Variants in IMPG1 observed in about 807,000 individuals in gnomAD.
The protein encoded by IMPG1 is interphotoreceptor matrix proteoglycan of 150 kDa.
Under a neutral mutation model 92.0 loss-of-function variants are expected in IMPG1, and 85 were observed. That is an observed-to-expected ratio of 0.92 (90% CI 0.78 to 1.11). The LOEUF (loss-of-function observed/expected upper bound fraction) is 1.11, where lower values mean the gene tolerates loss of function less well. Among genes scored for constraint, IMPG1 ranks in the 50% least tolerant of loss-of-function variants. The pLI, the probability that IMPG1 is intolerant of heterozygous loss-of-function variation, is 0.00. For synonymous variants in IMPG1, 367 were observed against 334.1 expected, an observed-to-expected ratio of 1.10 and a Z score of -1.08; for missense variants, 1,022 against 956.0, an observed-to-expected ratio of 1.07 and a Z score of -0.91.
At chr6:76,065,708 A>T (rs1019484488) in intron 1 of IMPG1, among the ~76,000 whole-genome samples, 1 of 152,160 alleles carries the variant, frequency 6.6e-6, no homozygotes, top group African/African-American at 2.4e-5. Context: ...TTAGACATCC[A>T]GTTATAAGAG....
At position 75,921,119 on chromosome 6, in the gene IMPG1, A is replaced by G. The variant is rs957572289; in HGVS notation, c.*970T>C. ...AAGGCTCATTAAAAAACCTATGAGT[A>G]TATCACTTTTACTTTATTGAAATTA... On this transcript the variant is annotated 3_prime_UTR_variant, in exon 17 of 17. Transcript: ENST00000369950. 2.0e-5 allele frequency: 3 copies of G among 152,226 alleles called. No individual in the cohort carries two copies. Among genetic ancestry groups the G allele is most frequent in the Admixed American group, 6.5e-5 (1 of 15,280 alleles). The allele number at this position is 152,226 out of a possible 1,614,324, so 9.4% of individuals were successfully genotyped here. A position where few individuals can be genotyped will look rare whatever the true frequency, so the allele number is the denominator to read the frequency against.
At chr6:75,926,529 A>G (rs1163242969) in intron 15 of IMPG1, among the ~76,000 whole-genome samples, 1 of 152,202 alleles carries the variant, frequency 6.6e-6, no homozygotes, top group Admixed American at 6.5e-5. Flanking sequence ...ATTTACTGAA[A>G]CTGTCCCCTA....
intron 10 of IMPG1, among the ~76,000 whole-genome samples, chr6:76,004,963 G>A (rs1217273853): frequency 6.6e-6 from 1 of 152,152 alleles, no homozygotes; most frequent in African/African-American, 2.4e-5. Context: ...GACTACATGA[G>A]AGAATATGTT....
chr6:75,982,048 T>C (rs1015999736), intron 12 of IMPG1, among the ~76,000 whole-genome samples: 27 of 152,178 alleles, frequency 1.8e-4, no homozygotes, highest in African/African-American at 6.5e-4. Context: ...CAGAAGATTT[T>C]GAGAAATTTT....
At chr6:75,982,586 G>GATATATATATGTGTGTGT (rs1218789411) in intron 12 of IMPG1, among the ~76,000 whole-genome samples, 4 of 145,796 alleles carry the variant, frequency 2.7e-5, no homozygotes, top group Non-Finnish European at 3.0e-5. Context: ...GATATATATA[G>GATATATATATGTGTGTGT]ATATATATAT....
At chr6:76,032,197 C>T (rs556253270) in intron 4 of IMPG1, among the ~76,000 whole-genome samples, 144 of 152,190 alleles carry the variant, frequency 9.5e-4, no homozygotes, top group African/African-American at 3.4e-3. Flanking sequence ...ATTTCCTTTT[C>T]TTTCTGGCTT....
At chr6:76,040,541 TC>T (rs1357439967) in intron 2 of IMPG1, among the ~76,000 whole-genome samples, 12 of 152,198 alleles carry the variant, frequency 7.9e-5, no homozygotes. Flanking sequence ...GCATTCTGTG[TC>T]CACCAACAAG....
intron 2 of IMPG1, 101 bp from the exon 3 acceptor site, chr6:76,034,888 G>A (rs941831210): frequency 3.4e-5 from 33 of 962,318 alleles, no homozygotes; most frequent in Admixed American, 4.7e-5. Context: ...GGCTTATGTC[G>A]ACACACTAAT....
chr6:75,979,922 T>C (rs1006922011), intron 12 of IMPG1, among the ~76,000 whole-genome samples: 3 of 152,202 alleles, frequency 2.0e-5, no homozygotes, highest in Non-Finnish European at 2.9e-5. Context: ...AATGGAGAAA[T>C]TGAAAGACTG....
intron 1 of IMPG1, among the ~76,000 whole-genome samples, chr6:76,062,097 G>A (rs1396011741): frequency 1.3e-5 from 2 of 152,004 alleles, no homozygotes; most frequent in South Asian, 2.1e-4. Context: ...GAATCAAATT[G>A]GTAAAAAGTC....
chr6:75,929,268 T>C (rs1215287972), intron 15 of IMPG1, among the ~76,000 whole-genome samples: 1 of 152,198 alleles, frequency 6.6e-6, no homozygotes, highest in East Asian at 1.9e-4. Context: ...CTGAGTATCA[T>C]CAATCTCCTT....
At chr6:75,973,763 G>C (rs1782459991) in intron 12 of IMPG1, among the ~76,000 whole-genome samples, 1 of 152,120 alleles carries the variant, frequency 6.6e-6, no homozygotes, top group Non-Finnish European at 1.5e-5. Context: ...AGGGAACTTT[G>C]AGTCTTGGAG....
chr6:75,935,121 A>G (rs1781722905), intron 14 of IMPG1: 1 of 440,620 alleles, frequency 2.3e-6, no homozygotes, highest in East Asian at 7.2e-5. Context: ...AAAAGAAGCA[A>G]GAGTAGACTT....
At chr6:76,048,250 T>C (rs2127595638) in intron 1 of IMPG1, among the ~76,000 whole-genome samples, 1 of 152,328 alleles carries the variant, frequency 6.6e-6, no homozygotes, top group Non-Finnish European at 1.5e-5. Context: ...AAATTTCTGG[T>C]CCTTAAGTAA....
chr6:75,977,306 C>T (rs1004512628), intron 12 of IMPG1, among the ~76,000 whole-genome samples: 2 of 151,772 alleles, frequency 1.3e-5, no homozygotes, highest in Non-Finnish European at 2.9e-5. Context: ...AGACTTAAGC[C>T]GCCAGGCGCG....
At chr6:75,966,154 A>G (rs1046560228) in intron 12 of IMPG1, among the ~76,000 whole-genome samples, 1 of 152,146 alleles carries the variant, frequency 6.6e-6, no homozygotes, top group African/African-American at 2.4e-5. Context: ...TTTGTTTTGT[A>G]TATAATATCA....
At chr6:76,006,872 T>A (rs1562367163) in intron 9 of IMPG1, among the ~76,000 whole-genome samples, 1 of 152,042 alleles carries the variant, frequency 6.6e-6, no homozygotes, top group Non-Finnish European at 1.5e-5. Flanking sequence ...ATGTCATAAA[T>A]CTAGACAGAG....
intron 7 of IMPG1, among the ~76,000 whole-genome samples, chr6:76,015,258 A>C (rs901212909): frequency 6.6e-6 from 1 of 152,194 alleles, no homozygotes; most frequent in African/African-American, 2.4e-5. Flanking sequence ...ATTAGGCCTG[A>C]ATGTGCTAAT....
At position 75,988,242 on chromosome 6, in the gene IMPG1, T is replaced by G. The variant is rs189865841; in HGVS notation, c.1291+14676A>C. ...AACTAGTTTATAGTCCCACCAACAG[T>G]GTAAAAGCATTCCTATTTCTCCACA... On this transcript the variant is annotated intron_variant, in intron 12 of 16. Transcript: ENST00000369950. 2.1e-3 allele frequency among the ~76,000 whole-genome samples: 321 copies of G among 152,318 alleles called. 4 individuals are homozygous for G. Among genetic ancestry groups the G allele is most frequent in the African/African-American group, 7.4e-3 (306 of 41,584 alleles).
Sources: gnomAD v4.1 joint callset for allele counts (sites outside exome capture counted in the v4.1 genomes callset) on GRCh38, gnomAD v4.1.1 for gene constraint, MANE v1.5 for transcripts, NCBI Gene and HGNC (gene_info 2026-07-23, HGNC 2026-07-21) for gene names.